The following SPNS3 variants were observed in gnomAD, a reference collection of about 807,000 sequenced individuals.
SPNS3 encodes protein spinster homolog 3.
A neutral mutation model predicts 54.4 loss-of-function variants in SPNS3; 51 were observed. The ratio of observed to expected loss-of-function variants is 0.94; its 90% CI spans 0.75 to 1.18. The LOEUF (loss-of-function observed/expected upper bound fraction) is 1.18, where lower values mean the gene tolerates loss of function less well. SPNS3 is among the 50% of genes most tolerant of loss of function. The pLI, the probability that SPNS3 is intolerant of heterozygous loss-of-function variation, is 0.00. For synonymous variants in SPNS3, 309 were observed against 294.7 expected, an observed-to-expected ratio of 1.05 and a Z score of -0.50; for missense variants, 669 against 677.4, an observed-to-expected ratio of 0.99 and a Z score of 0.14.
intron 8 of SPNS3, among the ~76,000 whole-genome samples, chr17:4,477,792 G>A (rs1216558977): frequency 1.3e-5 from 2 of 152,134 alleles, no homozygotes. Flanking sequence ...TGCTCCAAGG[G>A]AAGGGGATGG....
At chr17:4,458,261 GTTC>G (rs2144095088) in intron 8 of SPNS3, among the ~76,000 whole-genome samples, 1 of 152,032 alleles carries the variant, frequency 6.6e-6, no homozygotes, top group Admixed American at 6.5e-5. Flanking sequence ...CTGTTCTTCT[GTTC>G]TTCACACACT....
chr17:4,454,782 G>A lies in SPNS3; in HGVS notation c.1113+1577G>A, dbSNP rs143244403. 6.1e-3 allele frequency among the ~76,000 whole-genome samples: 917 copies of A among 151,038 alleles called. 9 individuals are homozygous for A. Among genetic ancestry groups the A allele is most frequent in the African/African-American group, 0.02 (839 of 41,116 alleles). The stretch of plus-strand genomic sequence containing the variant: ...ATTACAGGCACACACCACCAAGCCC[G>A]GCTAATTTTTTTGTGTATTTTTAGT... On this transcript the variant is annotated intron_variant, in intron 8 of 11. Coordinates refer to ENST00000355530, the MANE Select transcript of SPNS3 (RefSeq NM_182538.5).
chr17:4,434,667 T>A (rs1225309111), intron 1 of SPNS3, among the ~76,000 whole-genome samples: 1 of 150,720 alleles, frequency 6.6e-6, no homozygotes, highest in East Asian at 2.0e-4. Context: ...CGGCTAATTT[T>A]TGTATTTTGA....
chr17:4,475,581 G>A (rs907766044), intron 8 of SPNS3, among the ~76,000 whole-genome samples: 2 of 152,190 alleles, frequency 1.3e-5, no homozygotes, highest in Admixed American at 1.3e-4. Flanking sequence ...GATCAGCTCC[G>A]GCAGCTTGCT....
intron 7 of SPNS3, among the ~76,000 whole-genome samples, chr17:4,451,070 C>G (rs1170458789): frequency 6.6e-6 from 1 of 151,976 alleles, no homozygotes; most frequent in Non-Finnish European, 1.5e-5. Flanking sequence ...GGCAGCCTGT[C>G]TAAATAATCA....
chr17:4,434,068 C>A lies in SPNS3; in HGVS notation c.101C>A (p.Pro34His), dbSNP rs1367580461. ...AGGCAGTGTCCCCCTCCCATCACGC[C>A]CACCTCCTGGAGCCTGCCCCCGTGG... ...PGRQCPPPIT[P>H]TSWSLPPWRA... The change falls in exon 1 of 12, where the codon CCC becomes CAC. Residue 34 changes from proline (P) to histidine (H), a missense_variant. Physicochemically the swap from Pro to His is moderately conservative, Grantham distance 77. Transcript: ENST00000355530. The A allele has an allele frequency of 6.2e-7, 1 of 1,611,412 alleles. No individual in the cohort carries two copies. Among genetic ancestry groups the A allele is most frequent in the African/African-American group, 1.3e-5 (1 of 74,826 alleles).
rs777513263 is a variant in SPNS3 at position 4,486,278 on chromosome 17, G to T, written c.1230G>T (p.Thr410=). ...GGACGGCAGAGGCACTTCAGATCAC[G>T]GTGGGCCACATCCTGGGAGACGCTG... ...CRGTAEALQI[T]VGHILGDAGS... The change falls in exon 10 of 12, where the codon ACG becomes ACT. Residue 410 remains threonine, a synonymous_variant. Transcript: ENST00000355530. The surrounding 1 kb of genome is among the most constrained non-coding windows in gnomAD (Gnocchi z 5.5). 1.9e-6 allele frequency: 3 copies of T among 1,592,128 alleles called. No individual in the cohort carries two copies. Among genetic ancestry groups the T allele is most frequent in the Non-Finnish European group, 2.6e-6 (3 of 1,171,902 alleles).
At chr17:4,474,439 G>A (rs527603959) in intron 8 of SPNS3, among the ~76,000 whole-genome samples, 22 of 152,200 alleles carry the variant, frequency 1.4e-4, no homozygotes, top group Admixed American at 3.9e-4. Context: ...CAGGGACAGC[G>A]AGCCCCCAGG....
intron 5 of SPNS3, 138 bp downstream of exon 5, chr17:4,447,100 C>G (rs1321131932): frequency 9.2e-6 from 8 of 869,858 alleles, no homozygotes; most frequent in Non-Finnish European, 1.3e-5. Flanking sequence ...GCATCGGCAG[C>G]TTTGGACATG....
chr17:4,476,051 A>G (rs1346538866), intron 8 of SPNS3, among the ~76,000 whole-genome samples: 1 of 152,168 alleles, frequency 6.6e-6, no homozygotes, highest in Admixed American at 6.5e-5. Flanking sequence ...CCCGCTCAGC[A>G]AGGCAGGGTG....
intron 1 of SPNS3, among the ~76,000 whole-genome samples, chr17:4,437,896 C>G (rs920972553): frequency 6.6e-6 from 1 of 151,618 alleles, no homozygotes; most frequent in Non-Finnish European, 1.5e-5. Context: ...AAGCGATTCT[C>G]CTGCCTCAGC....
At chr17:4,460,901 T>G (rs1481492201) in intron 8 of SPNS3, among the ~76,000 whole-genome samples, 1 of 152,194 alleles carries the variant, frequency 6.6e-6, no homozygotes, top group Non-Finnish European at 1.5e-5. Context: ...CTCTTCTGTT[T>G]TTTGGAAGAC....
In SPNS3 at chr17:4,450,898, G is replaced by A. The variant is rs7216264; in HGVS notation, c.923+1511G>A. ...GCTGGAATTACAGGCGTGAGCCACC[G>A]TGCCCGGCCGAACTTACAGATCCTT... On this transcript the variant is annotated intron_variant, in intron 7 of 11. Transcript: ENST00000355530. 9.3e-3 allele frequency among the ~76,000 whole-genome samples: 1,415 copies of A among 151,520 alleles called. 20 individuals are homozygous for A. The highest frequency in any genetic ancestry group is 0.032 in the African/African-American group (1,338 of 41,282).
At chr17:4,459,709 T>C (rs942416085) in intron 8 of SPNS3, among the ~76,000 whole-genome samples, 2 of 152,170 alleles carry the variant, frequency 1.3e-5, no homozygotes, top group African/African-American at 4.8e-5. Flanking sequence ...CGAGACTCCA[T>C]GTCTAAATAA....
chr17:4,485,815 C>T (rs949476778), intron 9 of SPNS3, among the ~76,000 whole-genome samples: 14 of 152,368 alleles, frequency 9.2e-5, no homozygotes, highest in East Asian at 3.9e-4. Context: ...CTGAGCCCTC[C>T]GTACCACCCC....
At chr17:4,477,646 AG>A (rs1475853240) in intron 8 of SPNS3, among the ~76,000 whole-genome samples, 1 of 152,130 alleles carries the variant, frequency 6.6e-6, no homozygotes, top group Non-Finnish European at 1.5e-5. Flanking sequence ...GGCACTGGGC[AG>A]GGGCCGGAAG....
rs760083732 is a variant in SPNS3, at chr17:4,446,063, T to A, written c.418T>A (p.Phe140Ile). Reference sequence around the variant, plus strand: ...GCTCGCCCAGTATTCTTGGCTCTTCTTCCTGTCCCGGGGCATCGTGGGCAC... The same window carrying A: ...GCTCGCCCAGTATTCTTGGCTCTTCATCCTGTCCCGGGGCATCGTGGGCAC... ...FISPRYSWLFFLSRGIVGTGS... is the reference protein window; with the variant it reads ...FISPRYSWLFILSRGIVGTGS... The change falls in exon 4 of 12, where the codon TTC becomes ATC. Residue 140 changes from phenylalanine (F) to isoleucine (I), a missense_variant. Phe to Ile is a conservative substitution (Grantham distance 21, BLOSUM62 0). Transcript: ENST00000355530. The A allele has an allele frequency of 6.2e-7, 1 of 1,609,378 alleles. No homozygotes were observed. The highest frequency in any genetic ancestry group is 1.7e-5 in the Admixed American group (1 of 59,568).
chr17:4,452,963 C>A, intron 7 of SPNS3, 53 bp from the exon 8 acceptor site: 1 of 1,544,676 alleles, frequency 6.5e-7, no homozygotes, highest in Non-Finnish European at 8.8e-7. Context: ...GGATAAGAGT[C>A]CCTATGCTAA....
At chr17:4,459,326 T>C (rs931014376) in intron 8 of SPNS3, among the ~76,000 whole-genome samples, 2 of 152,052 alleles carry the variant, frequency 1.3e-5, no homozygotes, top group Admixed American at 1.3e-4. Context: ...GCTGGCTGAG[T>C]GAAGAGTCGA....
Sources: gnomAD v4.1 joint callset for allele counts (sites outside exome capture counted in the v4.1 genomes callset) on GRCh38, gnomAD v4.1.1 for gene constraint, Gnocchi (gnomAD v3.1) non-coding constraint, MANE v1.5 for transcripts, NCBI Gene and HGNC (gene_info 2026-07-23, HGNC 2026-07-21) for gene names.